The following SPG11 variants were observed in gnomAD, a reference collection of about 807,000 sequenced individuals.
SPG11 encodes SPG11 vesicle trafficking associated, spatacsin.
In SPG11, 222 loss-of-function variants were observed where a neutral mutation model predicts 274.0. That is an observed-to-expected ratio of 0.81 (90% CI 0.73 to 0.91). The LOEUF (loss-of-function observed/expected upper bound fraction) is 0.91, where lower values mean the gene tolerates loss of function less well. Ranked by LOEUF, SPG11 falls within the 40% of genes least tolerant of loss-of-function variation. The pLI is 0.00. For synonymous variants in SPG11, 1,144 were observed against 1,039.7 expected (o/e 1.10, Z -1.93); for missense variants, 3,114 against 2,872.7 (o/e 1.08, Z -1.92).
At chr15:44,576,537 T>C (rs2082542390) in intron 30 of SPG11, among the ~76,000 whole-genome samples, 1 of 151,382 alleles carries the variant, frequency 6.6e-6, no homozygotes. Context: ...TAGTCCCAGC[T>C]ACTTGGGAGG....
At chr15:44,658,940 T>C in intron 3 of SPG11, 139 bp downstream of exon 3, 1 of 749,882 alleles carries the variant, frequency 1.3e-6, no homozygotes, top group Non-Finnish European at 2.3e-6. Context: ...TATGAGGATC[T>C]TTTTCCATGA....
chr15:44,575,378 T>C (rs925498358), intron 30 of SPG11: 6 of 254,118 alleles, frequency 2.4e-5, no homozygotes, highest in African/African-American at 1.3e-4. Flanking sequence ...GCTGACTATC[T>C]CCATAACATC....
At chr15:44,654,800 C>A (rs146137605) in intron 4 of SPG11, among the ~76,000 whole-genome samples, 1 of 151,654 alleles carries the variant, frequency 6.6e-6, no homozygotes, top group Non-Finnish European at 1.5e-5. Context: ...TGCACCATTG[C>A]GCTCCATCCC....
rs533501988 is a variant in SPG11, at chr15:44,581,396, G to A, written c.5866+2418C>T. On this transcript the variant is annotated intron_variant, in intron 30 of 39. Transcript: ENST00000261866. ...TAATTTTTGTATTTTTTGTAGTGAC[G>A]GGGTTTTGCCATGTTGCCCAGGCTG... Among the ~76,000 whole-genome samples, 4 of 151,650 alleles carry A rather than the reference G, an allele frequency of 2.6e-5. No homozygotes were observed. The South Asian group carries it at 6.3e-4, about 24-fold the overall frequency.
At chr15:44,653,709 C>G (rs2084853435) in intron 4 of SPG11, among the ~76,000 whole-genome samples, 1 of 152,102 alleles carries the variant, frequency 6.6e-6, no homozygotes, top group Non-Finnish European at 1.5e-5. Flanking sequence ...GGATGTGGAT[C>G]TAATACCAAA....
chr15:44,612,031 G>A (rs570044727), intron 17 of SPG11, among the ~76,000 whole-genome samples: 4 of 151,932 alleles, frequency 2.6e-5, no homozygotes, highest in South Asian at 2.1e-4. Flanking sequence ...GGATGGCCTC[G>A]ATCTCCTGAC....
At chr15:44,588,613 G>C (rs1267082169) in intron 28 of SPG11, 1 of 424,028 alleles carries the variant, frequency 2.4e-6, no homozygotes, top group Non-Finnish European at 4.8e-6. Context: ...GACAGATTTG[G>C]CTGAAGGCAG....
At position 44,621,901 on chromosome 15, in the gene SPG11, G is replaced by C; in HGVS notation, c.2478C>G (p.His826Gln). The C allele has an allele frequency of 6.2e-7, 1 of 1,612,740 alleles. No homozygotes were observed. Among genetic ancestry groups the C allele is most frequent in the African/African-American group, 1.3e-5 (1 of 74,724 alleles). ...TCAGGAATGAGTCCAAAACAGACTT[G>C]TGCTTGAAAAAATCTTGTTCCTTTA... ...YWIKEQDFFKHKSVLDSFLKY... is the reference protein window; with the variant it reads ...YWIKEQDFFKQKSVLDSFLKY... The change falls in exon 14 of 40, where the codon CAC (histidine) becomes CAG (glutamine). Residue 826 changes from histidine (H) to glutamine (Q), a missense_variant. Physicochemically the swap from His to Gln is conservative, Grantham distance 24. Transcript: ENST00000261866.
intron 9 of SPG11, 82 bp downstream of exon 9, chr15:44,629,151 G>T: frequency 6.8e-7 from 1 of 1,472,468 alleles, no homozygotes; most frequent in Non-Finnish European, 9.5e-7. Flanking sequence ...ACTGGTTTAT[G>T]CTGTGTCACC....
chr15:44,604,874 G>A (rs2083280308), intron 20 of SPG11, among the ~76,000 whole-genome samples: 1 of 131,196 alleles, frequency 7.6e-6, no homozygotes, highest in Non-Finnish European at 1.5e-5. Flanking sequence ...CTTGCAGCGA[G>A]CCGAGATCGA....
chr15:44,635,291 T>C (rs2084205543), intron 7 of SPG11, among the ~76,000 whole-genome samples: 1 of 151,290 alleles, frequency 6.6e-6, no homozygotes, highest in East Asian at 2.0e-4. Flanking sequence ...CTTTACAAAG[T>C]TGTTGGGGCA....
intron 7 of SPG11, among the ~76,000 whole-genome samples, chr15:44,641,827 C>T (rs529158526): frequency 1.9e-4 from 29 of 149,690 alleles, no homozygotes; most frequent in East Asian, 1.4e-3. Flanking sequence ...ATGTGCATGC[C>T]GTATGATCAA....
chr15:44,602,645 AT>A (rs537578682), intron 20 of SPG11, among the ~76,000 whole-genome samples: 3 of 150,760 alleles, frequency 2.0e-5, no homozygotes, highest in Non-Finnish European at 3.0e-5. Flanking sequence ...TACCTGGCTA[AT>A]TTTTTTTTGT....
intron 8 of SPG11, among the ~76,000 whole-genome samples, chr15:44,633,134 T>G (rs1367710076): frequency 6.8e-6 from 1 of 147,840 alleles, no homozygotes; most frequent in Admixed American, 6.8e-5. Flanking sequence ...AGCCCAGGAG[T>G]TTGAGACCAG....
At chr15:44,640,549 G>A (rs2084409631) in intron 7 of SPG11, among the ~76,000 whole-genome samples, 1 of 151,888 alleles carries the variant, frequency 6.6e-6, no homozygotes, top group Non-Finnish European at 1.5e-5. Flanking sequence ...CAACAATAAA[G>A]GCACCCCTGA....
chr15:44,639,482 T>C (rs936484964), intron 7 of SPG11, among the ~76,000 whole-genome samples: 6 of 152,040 alleles, frequency 3.9e-5, no homozygotes, highest in African/African-American at 1.2e-4. Context: ...GGAGGGAGGA[T>C]TGCTTGAGCT....
Position 44,572,782 on chromosome 15 carries a change from T to A in SPG11, c.6244A>T (p.Thr2082Ser). ...QMFNPTEESQTFLQLTTLCQD... is the reference protein window; with the variant it reads ...QMFNPTEESQSFLQLTTLCQD... Reference sequence around the variant, plus strand: ...CACAGAGTGGTCAGCTGAAGAAATGTCTGGCTTTCCTCTGTTGGGTTGAAC... The same window carrying A: ...CACAGAGTGGTCAGCTGAAGAAATGACTGGCTTTCCTCTGTTGGGTTGAAC... Residue 2082 changes from threonine to serine, a missense_variant, in exon 33 of 40, where the codon ACA becomes TCA. Physicochemically the swap from Thr to Ser is moderately conservative, Grantham distance 58. Coordinates refer to ENST00000261866, the MANE Select transcript of SPG11 (RefSeq NM_025137.4). 1 of 1,614,124 alleles carries A rather than the reference T, an allele frequency of 6.2e-7. No homozygotes were observed. The highest frequency in any genetic ancestry group is 8.5e-7 in the Non-Finnish European group (1 of 1,180,006).
At position 44,600,534 on chromosome 15, in the gene SPG11, G is replaced by A. The variant is rs199986067; in HGVS notation, c.3619C>T (p.Arg1207Trp). 15 of 1,613,942 alleles carry A rather than the reference G, an allele frequency of 9.3e-6. No homozygotes were observed. Among genetic ancestry groups the A allele is most frequent in the Admixed American group, 3.3e-5 (2 of 59,998 alleles). The change falls in exon 21 of 40, where the codon CGG becomes TGG. Residue 1207 changes from arginine to tryptophan, a missense_variant. Physicochemically the swap from Arg to Trp is moderately radical, Grantham distance 101 (BLOSUM62 -3). Transcript: ENST00000261866. ...AAAGTACCAAATGCAAATGATGGCC[G>A]CCCATTATGTAAATAATAAGCAAAA... ...LNFAYYLHNGRPSFAFGTFLV... is the reference protein window; with the variant it reads ...LNFAYYLHNGWPSFAFGTFLV...
intron 8 of SPG11, among the ~76,000 whole-genome samples, chr15:44,631,966 G>A (rs143729807): frequency 0.012 from 1,768 of 150,838 alleles, 23 homozygotes; most frequent in Non-Finnish European, 0.016. Flanking sequence ...ACACCACCAC[G>A]CACAGCTAAT....
Sources: allele counts gnomAD v4.1 joint callset (sites outside exome capture counted in the v4.1 genomes callset), GRCh38; gene constraint gnomAD v4.1.1; transcripts MANE v1.5; gene names NCBI Gene and HGNC (gene_info 2026-07-23, HGNC 2026-07-21).